The following HELZ variants were observed in gnomAD, a reference collection of about 807,000 sequenced individuals.
HELZ encodes the protein helicase with zinc finger, also known as ATP-dependent RNA helicase with zinc finger domain.
In HELZ, 23 loss-of-function variants were observed where a neutral mutation model predicts 218.2. The observed-to-expected ratio is 0.11, with a 90% CI of 0.08 to 0.15. The LOEUF is 0.15. Ranked by LOEUF, HELZ falls within the 10% of genes least tolerant of loss-of-function variation. HELZ has a pLI of 1.00. For synonymous variants in HELZ, 814 were observed against 829.4 expected (o/e 0.98, Z 0.32); for missense variants, 1,813 against 2,353.7 (o/e 0.77, Z 4.75).
intron 3 of HELZ, among the ~76,000 whole-genome samples, chr17:67,229,137 AG>A (rs1309900244): frequency 6.6e-6 from 1 of 152,162 alleles, no homozygotes. Flanking sequence ...ATGCTTCCTG[AG>A]GGAGAAAAAG....
intron 32 of HELZ, among the ~76,000 whole-genome samples, chr17:67,082,028 G>A (rs573107359): frequency 1.3e-5 from 2 of 152,338 alleles, no homozygotes; most frequent in East Asian, 3.9e-4. Flanking sequence ...ATCACATCTA[G>A]TGGCTATTTA....
chr17:67,124,445 AAG>A (rs1367860282), intron 24 of HELZ, among the ~76,000 whole-genome samples: 10 of 152,208 alleles, frequency 6.6e-5, no homozygotes, highest in African/African-American at 2.2e-4. Context: ...ACGGAATAAA[AAG>A]AATGCAAATA....
At chr17:67,233,698 C>G (rs2041098426) in intron 3 of HELZ, among the ~76,000 whole-genome samples, 1 of 152,086 alleles carries the variant, frequency 6.6e-6, no homozygotes, top group African/African-American at 2.4e-5. Context: ...TCAACACAAT[C>G]AAAACCAAAT....
intron 31 of HELZ, among the ~76,000 whole-genome samples, chr17:67,099,667 C>G (rs922703965): frequency 1.3e-5 from 2 of 152,124 alleles, no homozygotes; most frequent in African/African-American, 4.8e-5. Flanking sequence ...AATTTGCTTA[C>G]CACTGTCTTA....
intron 7 of HELZ, among the ~76,000 whole-genome samples, chr17:67,199,059 G>A (rs967778057): frequency 2.6e-5 from 4 of 151,978 alleles, no homozygotes; most frequent in African/African-American, 9.7e-5. Flanking sequence ...GAAGAACAAA[G>A]CCAAAAATCT....
intron 15 of HELZ, among the ~76,000 whole-genome samples, chr17:67,163,790 T>TC (rs989726609): frequency 3.3e-5 from 5 of 152,110 alleles, no homozygotes; most frequent in Admixed American, 2.0e-4. Flanking sequence ...CACCTCGGCC[T>TC]CCCCAAGTGC....
intron 12 of HELZ, among the ~76,000 whole-genome samples, chr17:67,181,443 C>T (rs2039609863): frequency 6.6e-6 from 1 of 152,226 alleles, no homozygotes; most frequent in Non-Finnish European, 1.5e-5. Flanking sequence ...ATTTGTTTTT[C>T]TCATTATCTA....
intron 28 of HELZ, among the ~76,000 whole-genome samples, chr17:67,113,549 C>T (rs568624486): frequency 1.3e-5 from 2 of 152,244 alleles, no homozygotes; most frequent in East Asian, 1.9e-4. Context: ...CGTGAGCAAC[C>T]GCCAAGTAGA....
Position 67,075,607 on chromosome 17 carries a change from C to G in HELZ, c.*2645G>C, listed in dbSNP as rs994509016. ...TGATGGAAACTTGCAATGATTCTTA[C>G]ACAAGACGTGTTCAAAATGTTATAA... On this transcript the variant is annotated 3_prime_UTR_variant, in exon 33 of 33. Transcript: ENST00000358691. 6 of 152,158 alleles carry G rather than the reference C, an allele frequency of 3.9e-5. No homozygotes were observed. The highest frequency in any genetic ancestry group is 8.8e-5 in the Non-Finnish European group (6 of 68,026). The allele number at this position is 152,158 out of a possible 1,614,324, so 9.4% of individuals were successfully genotyped here. A position where few individuals can be genotyped will look rare whatever the true frequency, so the allele number is the denominator to read the frequency against.
intron 28 of HELZ, among the ~76,000 whole-genome samples, chr17:67,113,406 C>G (rs958058547): frequency 6.6e-6 from 1 of 151,992 alleles, no homozygotes; most frequent in Non-Finnish European, 1.5e-5. Flanking sequence ...ACTACAGGCG[C>G]CCGCCACCAC....
Position 67,131,276 on chromosome 17 carries a change from G to C in HELZ, c.3183-2421C>G, listed in dbSNP as rs543745727. 2.0e-5 allele frequency among the ~76,000 whole-genome samples: 3 copies of C among 152,190 alleles called. No individual in the cohort carries two copies. The South Asian group carries it at 6.2e-4, about 32-fold the overall frequency. On this transcript the variant is annotated intron_variant, in intron 23 of 32. Coordinates refer to ENST00000358691, the MANE Select transcript of HELZ (RefSeq NM_014877.4). Reference sequence around the variant, plus strand: ...ATGCTAGAAGTTGCTCTATTTTTAAGCTACTTTTTAAAACTCCATACCCTG... The same window carrying C: ...ATGCTAGAAGTTGCTCTATTTTTAACCTACTTTTTAAAACTCCATACCCTG...
At chr17:67,241,409 C>T (rs2041311036) in intron 2 of HELZ, among the ~76,000 whole-genome samples, 1 of 152,148 alleles carries the variant, frequency 6.6e-6, no homozygotes, top group South Asian at 2.1e-4. Context: ...AATCTACATT[C>T]AATATTAATG....
intron 5 of HELZ, among the ~76,000 whole-genome samples, chr17:67,213,968 T>C (rs1274234236): frequency 5.3e-5 from 8 of 152,226 alleles, no homozygotes. Flanking sequence ...CTCTACGTAT[T>C]ATAAGCACTT....
At chr17:67,115,867 A>G (rs919990799) in intron 27 of HELZ, among the ~76,000 whole-genome samples, 24 of 152,180 alleles carry the variant, frequency 1.6e-4, no homozygotes, top group African/African-American at 7.2e-5. Flanking sequence ...CAATATACAG[A>G]AAGAAAAATT....
rs1468284566 is a variant in HELZ at position 67,109,624 on chromosome 17, G to C, written c.3981C>G (p.Pro1327=). 1 of 1,614,092 alleles carries C rather than the reference G, an allele frequency of 6.2e-7. No homozygotes were observed. The highest frequency in any genetic ancestry group is 1.1e-5 in the South Asian group (1 of 91,072). Residue 1327 remains proline (P), a synonymous_variant, in exon 29 of 33, where the codon CCC becomes CCG. Coordinates refer to ENST00000358691, the MANE Select transcript of HELZ (RefSeq NM_014877.4). ...SPESRPSVVY[P]STKFPRKDNL... ...TATCTTTGCGAGGAAATTTGGTACT[G>C]GGATAAACAACACTAGGACGTGATT...
In HELZ at chr17:67,108,357, G is replaced by A. The variant is rs1567806516; in HGVS notation, c.4724+135C>T. On this transcript the variant is annotated intron_variant, in intron 30 of 32. Transcript: ENST00000358691. The surrounding 1 kb of genome is among the most constrained non-coding windows in gnomAD (Gnocchi z 4.1). Reference sequence around the variant, plus strand: ...ATTTTAGAGTCAACAAGAGAACTGTGTAGCGTGTGCTTGGAAGGCCAGCAT... The same window carrying A: ...ATTTTAGAGTCAACAAGAGAACTGTATAGCGTGTGCTTGGAAGGCCAGCAT... 1 of 672,662 alleles carries A rather than the reference G, an allele frequency of 1.5e-6. No individual in the cohort carries two copies. Among genetic ancestry groups the A allele is most frequent in the East Asian group, 2.7e-5 (1 of 36,760 alleles). 41.7% of individuals were successfully genotyped at this position (672,662 alleles called of 1,614,324 possible).
intron 23 of HELZ, among the ~76,000 whole-genome samples, chr17:67,130,845 G>A (rs548836275): frequency 3.3e-5 from 5 of 152,270 alleles, no homozygotes; most frequent in East Asian, 1.9e-4. Context: ...AAAGCAAAAC[G>A]CTAAGGAAAG....
At chr17:67,215,654 A>G in intron 5 of HELZ, 1 of 493,854 alleles carries the variant, frequency 2.0e-6, no homozygotes, top group South Asian at 2.1e-5. Context: ...GCCTCACACA[A>G]ACTTCAAAAG....
chr17:67,173,977 A>C (rs2039382158), intron 13 of HELZ, among the ~76,000 whole-genome samples: 2 of 152,232 alleles, frequency 1.3e-5, no homozygotes, highest in African/African-American at 4.8e-5. Context: ...TTTCCTTTGA[A>C]AATGTATCTC....
Sources: allele counts gnomAD v4.1 joint callset (sites outside exome capture counted in the v4.1 genomes callset), GRCh38; gene constraint gnomAD v4.1.1; non-coding constraint Gnocchi (gnomAD v3.1); transcripts MANE v1.5; gene names NCBI Gene and HGNC (gene_info 2026-07-23, HGNC 2026-07-21).